Variants in WDR11 observed in about 807,000 individuals in gnomAD.
The protein encoded by WDR11 is WD repeat-containing protein 11.
WDR11 carries 83 observed loss-of-function variants against 151.2 expected under a neutral mutation model. That is an observed-to-expected ratio of 0.55 (90% CI 0.46 to 0.66). The LOEUF is 0.66. Among genes scored for constraint, WDR11 ranks in the 30% least tolerant of loss-of-function variants. WDR11 has a pLI of 0.00. For missense variants in WDR11, 1,301 were observed against 1,480.9 expected (o/e 0.88, Z 1.99); for synonymous variants, 484 against 533.1 (o/e 0.91, Z 1.27).
chr10:120,865,713 T>C lies in WDR11; in HGVS notation c.963T>C (p.Asn321=), dbSNP rs374789536. ...CTTTACGTGTTCGAAGATCTTATAATAACATTTTTACCACTTCAAATGAGG... is the reference window on the plus strand; with the variant it reads ...CTTTACGTGTTCGAAGATCTTATAACAACATTTTTACCACTTCAAATGAGG... ...CITLRVRRSY[N]NIFTTSNEEP... is the part of the protein sequence containing the mutation. The change falls in exon 7 of 29, where the codon AAT becomes AAC. Residue 321 remains asparagine (N), a synonymous_variant. Transcript: ENST00000263461. 1.2e-6 allele frequency: 2 copies of C among 1,609,310 alleles called. No individual in the cohort carries two copies. The highest frequency in any genetic ancestry group is 1.7e-6 in the Non-Finnish European group (2 of 1,177,600).
At chr10:120,866,936 C>T (rs925064455) in intron 8 of WDR11, 130 bp from the exon 9 acceptor site, 2 of 1,044,980 alleles carry the variant, frequency 1.9e-6, no homozygotes, top group East Asian at 5.2e-5. Context: ...AGCTATTTCA[C>T]CTATGGGTAA....
Position 120,890,582 on chromosome 10 carries a change from A to G in WDR11, c.2344-134A>G, listed in dbSNP as rs905526640. The G allele has an allele frequency of 8.4e-6, 8 of 951,812 alleles. No individual in the cohort carries two copies. The African/African-American group carries it at 1.3e-4, about 15-fold the overall frequency. The allele number at this position is 951,812 out of a possible 1,614,324, so 59.0% of individuals were successfully genotyped here. ...AAAATGCTGCCTATTTGTGGAAGAT[A>G]GATTGCCAGAGGCTGTTCAGTTCTA... On this transcript the variant is annotated intron_variant, in intron 18 of 28. Transcript: ENST00000263461.
chr10:120,900,261 C>CAGAG, intron 20 of WDR11, 124 bp downstream of exon 20: 1 of 860,694 alleles, frequency 1.2e-6, no homozygotes, highest in Non-Finnish European at 1.9e-6. Context: ...CGAGAGAAGG[C>CAGAG]AGAGACACTA....
At chr10:120,890,971 T>C (rs1334397951) in intron 19 of WDR11, 84 bp downstream of exon 19, 20 of 1,354,532 alleles carry the variant, frequency 1.5e-5, no homozygotes, top group Non-Finnish European at 1.9e-5. Context: ...GAGCTGCTGC[T>C]TCTGTTTCAT....
At chr10:120,886,651 A>G (rs757150631) in intron 15 of WDR11, 38 bp from the exon 16 acceptor site, 3 of 1,609,004 alleles carry the variant, frequency 1.9e-6, no homozygotes, top group Non-Finnish European at 2.5e-6. Context: ...TCTAGGGGAA[A>G]AAAAAACATC....
rs1481642523 is a variant in WDR11, at chr10:120,865,694, G to A, written c.944G>A (p.Arg315His). The A allele has an allele frequency of 1.2e-5, 19 of 1,610,998 alleles. No homozygotes were observed. The highest frequency in any genetic ancestry group is 2.2e-5 in the South Asian group (2 of 90,840). ...CLHENGCITLRVRRSYNNIFT... is the reference protein window; with the variant it reads ...CLHENGCITLHVRRSYNNIFT... ...CATGAAAATGGTTGTATAACTTTAC[G>A]TGTTCGAAGATCTTATAATAACATT... The change falls in exon 7 of 29, where the codon CGT becomes CAT. Residue 315 changes from arginine to histidine, a missense_variant. Coordinates refer to ENST00000263461, the MANE Select transcript of WDR11 (RefSeq NM_018117.12).
intron 6 of WDR11, 103 bp from the exon 7 acceptor site, chr10:120,865,527 T>A (rs1846281379): frequency 1.3e-6 from 1 of 791,742 alleles, no homozygotes; most frequent in Admixed American, 2.9e-5. Flanking sequence ...TTGTCTATTT[T>A]TTTTTCTTTT....
chr10:120,905,126 G>T (rs993817201), intron 25 of WDR11, among the ~76,000 whole-genome samples, 193 bp from the exon 26 acceptor site: 1 of 152,102 alleles, frequency 6.6e-6, no homozygotes, highest in African/African-American at 2.4e-5. Flanking sequence ...ACTGTATTGT[G>T]CTTCCTACCC....
intron 16 of WDR11, among the ~76,000 whole-genome samples, chr10:120,888,460 T>G (rs934148182): frequency 2.0e-5 from 3 of 152,238 alleles, no homozygotes; most frequent in African/African-American, 7.2e-5. Flanking sequence ...TGCAAGTTCC[T>G]TTCTTCCTCC....
rs755465939 is a variant in WDR11, at chr10:120,905,887, T to C, written c.3303T>C (p.Asn1101=). 39 of 1,614,078 alleles carry C rather than the reference T, an allele frequency of 2.4e-5. No individual in the cohort carries two copies. In the East Asian group the frequency reaches 8.5e-4, roughly 35 times the overall value. The change falls in exon 27 of 29, where the codon AAT becomes AAC. Residue 1101 remains asparagine, a synonymous_variant. Coordinates refer to ENST00000263461, the MANE Select transcript of WDR11 (RefSeq NM_018117.12). ...RAAWLAKVRL[N]PEECADVLRR... is the part of the protein sequence containing the mutation. ...GGCGTCTTTCTCAGGTCCGTTTGAATCCTGAGGAGTGTGCCGATGTTTTAA... is the reference window on the plus strand; with the variant it reads ...GGCGTCTTTCTCAGGTCCGTTTGAACCCTGAGGAGTGTGCCGATGTTTTAA...
chr10:120,908,428 G>C, intron 28 of WDR11, 128 bp from the exon 29 acceptor site: 1 of 956,640 alleles, frequency 1.0e-6, no homozygotes, highest in Non-Finnish European at 1.7e-6. Context: ...TGTGCTGCCC[G>C]CTGTGGACAC....
At chr10:120,877,587 C>G (rs1213227276) in intron 11 of WDR11, among the ~76,000 whole-genome samples, 1 of 151,966 alleles carries the variant, frequency 6.6e-6, no homozygotes, top group Admixed American at 6.6e-5. Flanking sequence ...TCACTGCACT[C>G]CAGCTTGGGT....
In WDR11 at chr10:120,879,700, A is replaced by G. The variant is rs1276301892; in HGVS notation, c.1664-1126A>G. 4 of 152,208 alleles carry G rather than the reference A, an allele frequency of 2.6e-5. No individual in the cohort carries two copies. The East Asian group carries it at 7.7e-4, about 29-fold the overall frequency. The allele number at this position is 152,208 out of a possible 1,614,324, so 9.4% of individuals were successfully genotyped here. ...CCTGGGCTTCTAAGGAGGGCAGCAG[A>G]CTAGTGCAGTCAGGACAGGACATGG... On this transcript the variant is annotated intron_variant, in intron 12 of 28. Coordinates refer to ENST00000263461, the MANE Select transcript of WDR11 (RefSeq NM_018117.12).
chr10:120,853,599 C>T (rs1845854586), intron 2 of WDR11, among the ~76,000 whole-genome samples: 1 of 152,082 alleles, frequency 6.6e-6, no homozygotes, highest in Non-Finnish European at 1.5e-5. Context: ...ATTGATGTGA[C>T]CATATTCGCG....
intron 15 of WDR11, 118 bp downstream of exon 15, chr10:120,886,056 C>G: frequency 1.5e-6 from 2 of 1,332,472 alleles, no homozygotes; most frequent in Admixed American, 3.8e-5. Context: ...TTTGAACATA[C>G]TTAGTTTCAT....
In WDR11 at chr10:120,896,411, A is replaced by G. The variant is rs147095382; in HGVS notation, c.2516-3618A>G. On this transcript the variant is annotated intron_variant, in intron 19 of 28. Transcript: ENST00000263461. ...CAGTTTCAAGTTTTGAACCATTTAT[A>G]TATTTTATATATTAAAAATACACAG... Among the ~76,000 whole-genome samples the G allele has an allele frequency of 8.4e-3, 1,267 of 151,662 alleles. 5 individuals are homozygous for G. Among genetic ancestry groups the G allele is most frequent in the Non-Finnish European group, 0.013 (874 of 67,990 alleles).
chr10:120,889,784 T>A, intron 17 of WDR11, 111 bp from the exon 18 acceptor site: 1 of 788,016 alleles, frequency 1.3e-6, no homozygotes, highest in Non-Finnish European at 2.2e-6. Context: ...TAAAGGGTTC[T>A]CCCATCATCA....
chr10:120,857,350 G>A (rs1212525495), intron 2 of WDR11, among the ~76,000 whole-genome samples: 15 of 152,244 alleles, frequency 9.9e-5, no homozygotes, highest in Admixed American at 9.1e-4. Flanking sequence ...GTCCACAAAA[G>A]CACTGCAAGT....
chr10:120,886,891 A>G lies in WDR11; in HGVS notation c.2121+55A>G, dbSNP rs1439832686. On this transcript the variant is annotated intron_variant, in intron 16 of 28. Transcript: ENST00000263461. ...AAGAAGATTTTGTTTTGTTGGTTCC[A>G]TATCCAGTGAAGGCATAGTTAAGTT... 5.6e-6 allele frequency: 9 copies of G among 1,597,386 alleles called. No individual in the cohort carries two copies. In the African/African-American group the frequency reaches 6.7e-5, roughly 12 times the overall value.
Sources: gnomAD v4.1 joint callset for allele counts (sites outside exome capture counted in the v4.1 genomes callset) on GRCh38, gnomAD v4.1.1 for gene constraint, MANE v1.5 for transcripts, NCBI Gene and HGNC (gene_info 2026-07-23, HGNC 2026-07-21) for gene names.